The following GNAT3 variants were observed in gnomAD, a reference collection of about 807,000 sequenced individuals.
GNAT3 encodes guanine nucleotide-binding protein G(t) subunit alpha-3.
GNAT3 carries 31 observed loss-of-function variants against 37.7 expected under a neutral mutation model. The observed-to-expected ratio is 0.82, with a 90% CI of 0.62 to 1.11. The LOEUF is 1.11. Ranked by LOEUF, GNAT3 falls within the 50% of genes most tolerant of loss-of-function variation. GNAT3 has a pLI of 0.00. For synonymous variants in GNAT3, 138 were observed against 139.8 expected (o/e 0.99, Z 0.09); for missense variants, 437 against 412.5 (o/e 1.06, Z -0.51).
intron 1 of GNAT3, among the ~76,000 whole-genome samples, chr7:80,506,014 T>G (rs1281700069): frequency 5.3e-5 from 8 of 152,232 alleles, no homozygotes; most frequent in Admixed American, 5.2e-4. Flanking sequence ...TATATTTTAT[T>G]TTATATAAAA....
intron 2 of GNAT3, among the ~76,000 whole-genome samples, chr7:80,491,605 C>A (rs1790592807): frequency 6.6e-6 from 1 of 151,992 alleles, no homozygotes; most frequent in African/African-American, 2.4e-5. Context: ...GGAAAGAGTT[C>A]TAGAAGCTGA....
intron 3 of GNAT3, 60 bp downstream of exon 3, chr7:80,488,475 C>T: frequency 6.4e-6 from 9 of 1,415,530 alleles, no homozygotes; most frequent in Non-Finnish European, 8.8e-6. Flanking sequence ...ATTAAGTCCT[C>T]TTATTTTATG....
intron 2 of GNAT3, among the ~76,000 whole-genome samples, chr7:80,489,478 A>G (rs1051267491): frequency 4.6e-5 from 7 of 152,010 alleles, no homozygotes; most frequent in African/African-American, 1.4e-4. Flanking sequence ...TTTGGATGTC[A>G]TATTACTAAA....
chr7:80,505,947 C>T (rs1407232926), intron 1 of GNAT3, among the ~76,000 whole-genome samples: 2 of 152,064 alleles, frequency 1.3e-5, no homozygotes, highest in African/African-American at 4.8e-5. Context: ...TACTTTTGCA[C>T]GAACCTAATA....
At chr7:80,462,381 A>G (rs1790065153) in intron 6 of GNAT3, 69 bp from the exon 7 acceptor site, 1 of 1,559,530 alleles carries the variant, frequency 6.4e-7, no homozygotes, top group Non-Finnish European at 8.8e-7. Flanking sequence ...AGCATCATGA[A>G]CAAGGATCTA....
chr7:80,461,655 C>A (rs1790052224), intron 7 of GNAT3, among the ~76,000 whole-genome samples: 1 of 151,692 alleles, frequency 6.6e-6, no homozygotes, highest in African/African-American at 2.4e-5. Context: ...TTCACACTTA[C>A]AATCGCTGAC....
At chr7:80,474,590 T>G (rs1025537736) in intron 4 of GNAT3, among the ~76,000 whole-genome samples, 1 of 152,160 alleles carries the variant, frequency 6.6e-6, no homozygotes, top group Admixed American at 6.6e-5. Context: ...CTTTCCAAAC[T>G]ATGCTCATCG....
chr7:80,502,096 A>C (rs1790843759), intron 1 of GNAT3, among the ~76,000 whole-genome samples: 1 of 152,034 alleles, frequency 6.6e-6, no homozygotes, highest in African/African-American at 2.4e-5. Flanking sequence ...ATTCACTAAG[A>C]GGGTAGATCT....
At chr7:80,496,369 G>A (rs1184503008) in intron 1 of GNAT3, among the ~76,000 whole-genome samples, 1 of 152,170 alleles carries the variant, frequency 6.6e-6, no homozygotes, top group African/African-American at 2.4e-5. Context: ...GGCCTCAAGT[G>A]ATCTGCCTGC....
Position 80,495,844 on chromosome 7 carries a change from A to G in GNAT3, c.119-1197T>C, listed in dbSNP as rs568722742. ...TCTTACATGATTGTTAGCCATTTGT[A>G]TGTCTTCTTTGAAAAATATCTGTTC... On this transcript the variant is annotated intron_variant, in intron 1 of 7. Coordinates refer to ENST00000398291, the MANE Select transcript of GNAT3 (RefSeq NM_001102386.3). Among the ~76,000 whole-genome samples, 165 of 152,174 alleles carry G rather than the reference A, an allele frequency of 1.1e-3. 1 individual carries two copies. The highest frequency in any genetic ancestry group is 3.7e-3 in the African/African-American group (153 of 41,530).
chr7:80,478,181 G>C (rs987467100), intron 4 of GNAT3, among the ~76,000 whole-genome samples: 1 of 152,196 alleles, frequency 6.6e-6, no homozygotes, highest in African/African-American at 2.4e-5. Context: ...AAAGTGCTGG[G>C]ATTACAGGCG....
At chr7:80,504,027 A>G (rs1257123378) in intron 1 of GNAT3, among the ~76,000 whole-genome samples, 1 of 152,176 alleles carries the variant, frequency 6.6e-6, no homozygotes, top group Non-Finnish European at 1.5e-5. Flanking sequence ...CTTAGTTTAA[A>G]AGTTATCGCT....
chr7:80,504,464 G>A (rs993958272), intron 1 of GNAT3, among the ~76,000 whole-genome samples: 3 of 152,096 alleles, frequency 2.0e-5, no homozygotes, highest in African/African-American at 7.2e-5. Context: ...GAAAATAGAA[G>A]CAGTGAGCAT....
chr7:80,483,203 G>A (rs955328818), intron 3 of GNAT3, among the ~76,000 whole-genome samples: 1 of 152,044 alleles, frequency 6.6e-6, no homozygotes, highest in Non-Finnish European at 1.5e-5. Flanking sequence ...TGACGCAACT[G>A]TTCTGACTGC....
At chr7:80,466,090 G>T (rs1011870308) in intron 5 of GNAT3, among the ~76,000 whole-genome samples, 8 of 151,964 alleles carry the variant, frequency 5.3e-5, no homozygotes, top group African/African-American at 1.7e-4. Flanking sequence ...CCCACCTCAG[G>T]GGGGGAAAAT....
In GNAT3 at chr7:80,495,888, T is replaced by C. The variant is rs145778321; in HGVS notation, c.119-1241A>G. 3.0e-4 allele frequency among the ~76,000 whole-genome samples: 46 copies of C among 152,324 alleles called. No homozygotes were observed. In the East Asian group the frequency reaches 3.7e-3, roughly 12 times the overall value. On this transcript the variant is annotated intron_variant, in intron 1 of 7. Transcript: ENST00000398291. ...TCTGTTCATGTCCTTTGCCCACTTT[T>C]TGATGGAGCTATTTGCTTTTTTCTC...
intron 2 of GNAT3, among the ~76,000 whole-genome samples, chr7:80,493,011 C>G (rs1346216447): frequency 1.3e-5 from 2 of 151,952 alleles, no homozygotes; most frequent in African/African-American, 2.4e-5. Flanking sequence ...TATTGTTTTA[C>G]TTAGCAATCT....
At chr7:80,497,551 CGT>C (rs1790740154) in intron 1 of GNAT3, among the ~76,000 whole-genome samples, 1 of 134,134 alleles carries the variant, frequency 7.5e-6, no homozygotes, top group Non-Finnish European at 1.7e-5. Flanking sequence ...TACACATATA[CGT>C]ATATACATAT....
At chr7:80,484,249 C>T (rs1790439800) in intron 3 of GNAT3, among the ~76,000 whole-genome samples, 1 of 151,998 alleles carries the variant, frequency 6.6e-6, no homozygotes, top group Non-Finnish European at 1.5e-5. Context: ...TTCCAAATAT[C>T]ATGAAAAAAA....
Sources: gnomAD v4.1 joint callset for allele counts (sites outside exome capture counted in the v4.1 genomes callset) on GRCh38, gnomAD v4.1.1 for gene constraint, MANE v1.5 for transcripts, NCBI Gene and HGNC (gene_info 2026-07-23, HGNC 2026-07-21) for gene names.